MEGF8: variants seen among roughly 807,000 people sequenced by gnomAD.
MEGF8 encodes multiple EGF like domains 8, also known as multiple epidermal growth factor-like domains protein 8.
Under a neutral mutation model 302.9 loss-of-function variants are expected in MEGF8, and 156 were observed. That is an observed-to-expected ratio of 0.52 (90% CI 0.45 to 0.59). The LOEUF is 0.59. MEGF8 is among the 20% of genes least tolerant of loss of function. The pLI is 0.00. For synonymous variants in MEGF8, 1,621 were observed against 1,660.5 expected (o/e 0.98, Z 0.58); for missense variants, 3,345 against 3,964.5 (o/e 0.84, Z 4.20).
chr19:42,335,964 G>A lies in MEGF8; in HGVS notation c.862G>A (p.Ala288Thr). 1 of 1,505,446 alleles carries A rather than the reference G, an allele frequency of 6.6e-7. No individual in the cohort carries two copies. The allele number at this position is 1,505,446 out of a possible 1,614,324, so 93.3% of individuals were successfully genotyped here. ...ARHSHVAVAWAGSLVLMGGEL... is the reference protein window; with the variant it reads ...ARHSHVAVAWTGSLVLMGGEL... ...TCACTCCCATGTGGCCGTGGCCTGG[G>A]CCGGCTCCCTGGTACTGATGGGTGG... Residue 288 changes from alanine to threonine, a missense_variant, in exon 6 of 42, where the codon GCC (alanine) becomes ACC (threonine). Transcript: ENST00000251268.
chr19:42,361,007 G>T lies in MEGF8; in HGVS notation c.5720+1G>T. On this transcript the variant is annotated splice_donor_variant, in intron 32 of 41. Transcript: ENST00000251268. LOFTEE classifies it high-confidence loss of function. The stretch of plus-strand genomic sequence containing the variant: ...GCTTGTCCGGGGATCAGGCCCACAG[G>T]TAACCATGGCGACCATGACAGGCAG... 6.5e-7 allele frequency: 1 copy of T among 1,541,906 alleles called. No homozygotes were observed.
At position 42,369,599 on chromosome 19, in the gene MEGF8, A is replaced by C; in HGVS notation, c.6710A>C (p.His2237Pro). The C allele has an allele frequency of 6.2e-7, 1 of 1,612,422 alleles. No homozygotes were observed. ...CVNGSCVEPD[H>P]CRCHFGFVGR... ...AACGGCTCATGTGTGGAGCCCGACC[A>C]CTGCCGCTGCCACTTTGGCTTTGTG... The change falls in exon 38 of 42, where the codon CAC becomes CCC. Residue 2237 changes from histidine (H) to proline (P), a missense_variant. Coordinates refer to ENST00000251268, the MANE Select transcript of MEGF8 (RefSeq NM_001271938.2). The surrounding 1 kb of genome is among the most constrained non-coding windows in gnomAD (Gnocchi z 5.7).
At chr19:42,340,566 T>G (rs906909731) in intron 8 of MEGF8, among the ~76,000 whole-genome samples, 1 of 152,072 alleles carries the variant, frequency 6.6e-6, no homozygotes, top group Non-Finnish European at 1.5e-5. Flanking sequence ...GGGGTTTCAC[T>G]GTGTTGACCT....
In MEGF8 at chr19:42,357,328, GC is replaced by G; in HGVS notation, c.4831-75del. The G allele has an allele frequency of 6.6e-7, 1 of 1,521,432 alleles. No homozygotes were observed. Among genetic ancestry groups the G allele is most frequent in the Non-Finnish European group, 8.9e-7 (1 of 1,117,442 alleles). The allele number at this position is 1,521,432 out of a possible 1,614,324, so 94.2% of individuals were successfully genotyped here. A position where few individuals can be genotyped will look rare whatever the true frequency, so the allele number is the denominator to read the frequency against. ...AGTACTTCAGGGAGGACTGTGGGGGGCTGAGGCTCGCTTCTACCCACAAGGT... is the reference window on the plus strand; with the variant it reads ...AGTACTTCAGGGAGGACTGTGGGGGGTGAGGCTCGCTTCTACCCACAAGGT... On this transcript the variant is annotated intron_variant, in intron 27 of 41. Coordinates refer to ENST00000251268, the MANE Select transcript of MEGF8 (RefSeq NM_001271938.2). The surrounding 1 kb of genome is among the most constrained non-coding windows in gnomAD (Gnocchi z 5.2).
In MEGF8 at chr19:42,353,704, TAGGG is replaced by T. The variant is rs748097627; in HGVS notation, c.3761+30_3761+33del. 2.5e-6 allele frequency: 4 copies of T among 1,574,306 alleles called. No homozygotes were observed. The highest frequency in any genetic ancestry group is 3.5e-6 in the Non-Finnish European group (4 of 1,154,960). On this transcript the variant is annotated intron_variant, in intron 21 of 41. Transcript: ENST00000251268. This position sits in a 1 kb window ranked among gnomAD's most constrained non-coding sequence, Gnocchi z 6.1. ...AGCCAACGGGCCAGCCAGGGCTGGG[TAGGG>T]TGTGCTTGGGGACACAGTGGGGAGG...
Position 42,343,589 on chromosome 19 carries a change from G to A in MEGF8, c.1626G>A (p.Ala542=), listed in dbSNP as rs1053183256. The change falls in exon 9 of 42, where the codon GCG becomes GCA. Residue 542 remains alanine (A), a synonymous_variant. Transcript: ENST00000251268. ...YSGRPRGDLM[A]YKVPPFVFQA... is the part of the protein sequence containing the mutation. ...GCCGGCCCCGTGGGGACTTGATGGC[G>A]TACAAGGTGCCCCCCTTTGTGTTCC... The A allele has an allele frequency of 1.3e-5, 21 of 1,612,376 alleles. No homozygotes were observed. The highest frequency in any genetic ancestry group is 2.2e-5 in the East Asian group (1 of 44,866).
At position 42,368,442 on chromosome 19, in the gene MEGF8, C is replaced by A; in HGVS notation, c.6274-13C>A. 4.5e-6 allele frequency: 7 copies of A among 1,555,998 alleles called. No individual in the cohort carries two copies. The highest frequency in any genetic ancestry group is 2.7e-5 in the African/African-American group (2 of 73,324). The stretch of plus-strand genomic sequence containing the variant: ...TCTCTTCCCTGCATCCCCATCCCCT[C>A]CCCCCCATACAGTGTCTGAGCCCTT... On this transcript the variant is annotated splice_polypyrimidine_tract_variant and intron_variant, in intron 35 of 41. Coordinates refer to ENST00000251268, the MANE Select transcript of MEGF8 (RefSeq NM_001271938.2). This position sits in a 1 kb window ranked among gnomAD's most constrained non-coding sequence, Gnocchi z 4.9.
chr19:42,333,519 G>T, intron 1 of MEGF8, 86 bp from the exon 2 acceptor site: 1 of 1,417,846 alleles, frequency 7.1e-7, no homozygotes, highest in Non-Finnish European at 9.7e-7. Context: ...CTGGATCAGG[G>T]TTTGGTGTAC....
At position 42,326,272 on chromosome 19, in the gene MEGF8, C is replaced by T. The variant is rs559809654; in HGVS notation, c.29C>T (p.Ala10Val). 3.9e-6 allele frequency: 6 copies of T among 1,555,410 alleles called. No individual in the cohort carries two copies. The East Asian group carries it at 7.4e-5, about 19-fold the overall frequency. The stretch of plus-strand genomic sequence containing the variant: ...GCCCTGGGCAAGGTTCTGGCCATGG[C>T]ACTGGTTTTGGCCTTGGCCGTGCTG... MALGKVLAM[A>V]LVLALAVLGS... is the part of the protein sequence containing the mutation. The change falls in exon 1 of 42, where the codon GCA (alanine) becomes GTA (valine). Residue 10 changes from alanine (A) to valine (V), a missense_variant. Transcript: ENST00000251268.
At chr19:42,360,747 T>C (rs1289601672) in intron 31 of MEGF8, 28 bp from the exon 32 acceptor site, 3 of 1,554,222 alleles carry the variant, frequency 1.9e-6, no homozygotes, top group African/African-American at 2.7e-5. Flanking sequence ...CTGCTCTCTA[T>C]CTGTCTGAAT....
At chr19:42,346,567 C>T in intron 12 of MEGF8, among the ~76,000 whole-genome samples, 1 of 152,072 alleles carries the variant, frequency 6.6e-6, no homozygotes, top group Non-Finnish European at 1.5e-5. Context: ...GTCCCAGCTA[C>T]CTGGGAGGCT....
Position 42,357,474 on chromosome 19 carries a change from TC to T in MEGF8, c.4903del (p.Leu1635TrpfsTer95), listed in dbSNP as rs764398133. 6.2e-6 allele frequency: 10 copies of T among 1,613,580 alleles called. No individual in the cohort carries two copies. The highest frequency in any genetic ancestry group is 8.5e-6 in the Non-Finnish European group (10 of 1,179,806). The stretch of plus-strand genomic sequence containing the variant: ...ACTGCCCGCCGAGGCCTGTCTCTGC[TC>T]CTGGTGGGCGGTTACTCCCCGGAAA... ...TLTARRGLSL[L>X]LVGGYSPENG... On this transcript the variant is annotated frameshift_variant, in exon 28 of 42. Transcript: ENST00000251268. LOFTEE classifies it high-confidence loss of function. This position sits in a 1 kb window ranked among gnomAD's most constrained non-coding sequence, Gnocchi z 5.2.
At chr19:42,360,089 A>G (rs1474562112) in intron 31 of MEGF8, among the ~76,000 whole-genome samples, 1 of 151,746 alleles carries the variant, frequency 6.6e-6, no homozygotes, top group Non-Finnish European at 1.5e-5. Flanking sequence ...CACATAACAT[A>G]AAATTAACCA....
Position 42,352,840 on chromosome 19 carries a change from A to T in MEGF8, c.3351-88A>T. The T allele has an allele frequency of 2.0e-6, 2 of 992,606 alleles. No individual in the cohort carries two copies. Among genetic ancestry groups the T allele is most frequent in the Non-Finnish European group, 3.0e-6 (2 of 660,830 alleles). 61.5% of individuals were successfully genotyped at this position (992,606 alleles called of 1,614,324 possible). A position where few individuals can be genotyped will look rare whatever the true frequency, so the allele number is the denominator to read the frequency against. On this transcript the variant is annotated intron_variant, in intron 19 of 41. Transcript: ENST00000251268. The surrounding 1 kb of genome is among the most constrained non-coding windows in gnomAD (Gnocchi z 4.4). The stretch of plus-strand genomic sequence containing the variant: ...ACCATGGAAACAGCCAGTGGCTTTG[A>T]TGGTGTCATGGTGGGTGGAGATGAT...
chr19:42,359,329 C>A, intron 31 of MEGF8, 87 bp downstream of exon 31: 1 of 1,303,550 alleles, frequency 7.7e-7, no homozygotes, highest in Non-Finnish European at 1.0e-6. Flanking sequence ...CCTTAGGAGT[C>A]ACTGGGCCCC....
At position 42,352,144 on chromosome 19, in the gene MEGF8, T is replaced by TTGTTTCTATGTATGGCTCC; in HGVS notation, c.3102-52_3102-34dup. 1 of 1,454,074 alleles carries TTGTTTCTATGTATGGCTCC rather than the reference T, an allele frequency of 6.9e-7. No individual in the cohort carries two copies. The highest frequency in any genetic ancestry group is 9.1e-7 in the Non-Finnish European group (1 of 1,098,412). 90.1% of individuals were successfully genotyped at this position (1,454,074 alleles called of 1,614,324 possible). ...CAATTGGCCTCCTCTCTCCCTGTCATTGTTTCTATGTATGGCTCCTGTTTC... is the reference window on the plus strand; with the variant it reads ...CAATTGGCCTCCTCTCTCCCTGTCATTGTTTCTATGTATGGCTCCTGTTTCTATGTATGGCTCCTGTTTC... On this transcript the variant is annotated intron_variant, in intron 18 of 41. Transcript: ENST00000251268. This position sits in a 1 kb window ranked among gnomAD's most constrained non-coding sequence, Gnocchi z 4.4.
chr19:42,337,297 G>T, intron 8 of MEGF8, 91 bp downstream of exon 8: 5 of 1,568,058 alleles, frequency 3.2e-6, no homozygotes, highest in Non-Finnish European at 4.3e-6. Flanking sequence ...GTCCGTAAGG[G>T]TGAGCCTGAC....
At position 42,335,050 on chromosome 19, in the gene MEGF8, C is replaced by G. The variant is rs778498838; in HGVS notation, c.574C>G (p.Arg192Gly). Residue 192 changes from arginine (R) to glycine (G), a missense_variant, in exon 4 of 42, where the codon CGC becomes GGC. By Grantham distance (125) the Arg-to-Gly change is moderately radical. Transcript: ENST00000251268. ...GTCASPLGPC[R>G]CEPGFLGRAC... ...TTTCCCGCAGCCCCTGGGACCATGCCGCTGTGAGCCTGGCTTCTTGGGACG... is the reference window on the plus strand; with the variant it reads ...TTTCCCGCAGCCCCTGGGACCATGCGGCTGTGAGCCTGGCTTCTTGGGACG... 1 of 1,612,796 alleles carries G rather than the reference C, an allele frequency of 6.2e-7. No homozygotes were observed. Among genetic ancestry groups the G allele is most frequent in the South Asian group, 1.1e-5 (1 of 91,024 alleles).
chr19:42,360,807 T>A lies in MEGF8; in HGVS notation c.5521T>A (p.Ser1841Thr), dbSNP rs538368877. 1.9e-6 allele frequency: 3 copies of A among 1,602,156 alleles called. No individual in the cohort carries two copies. The highest frequency in any genetic ancestry group is 8.5e-7 in the Non-Finnish European group (1 of 1,174,728). Residue 1841 changes from serine (S) to threonine (T), a missense_variant, in exon 32 of 42, where the codon TCT becomes ACT. By Grantham distance (58) the Ser-to-Thr change is moderately conservative (BLOSUM62 1). Coordinates refer to ENST00000251268, the MANE Select transcript of MEGF8 (RefSeq NM_001271938.2). The part of the protein sequence containing the change: ...SASVGPPMEE[S>T]VAHAVAAVGS... The stretch of plus-strand genomic sequence containing the variant: ...CTCTGTGGGGCCCCCAATGGAGGAG[T>A]CTGTGGCCCATGCTGTGGCAGCAGT...
Sources: gnomAD v4.1 joint callset for allele counts (sites outside exome capture counted in the v4.1 genomes callset) on GRCh38, gnomAD v4.1.1 for gene constraint, Gnocchi (gnomAD v3.1) non-coding constraint, MANE v1.5 for transcripts, NCBI Gene and HGNC (gene_info 2026-07-23, HGNC 2026-07-21) for gene names.